Variants in FOSL2 observed in about 807,000 individuals in gnomAD.
FOSL2 encodes the protein fos-related antigen 2.
In FOSL2, 3 loss-of-function variants were observed where a neutral mutation model predicts 27.7. The ratio of observed to expected loss-of-function variants is 0.11; its 90% CI spans 0.05 to 0.28. The LOEUF (loss-of-function observed/expected upper bound fraction) is 0.28, where lower values mean the gene tolerates loss of function less well. FOSL2 is among the 10% of genes least tolerant of loss of function. The pLI is 1.00. For synonymous variants in FOSL2, 179 were observed against 190.1 expected (o/e 0.94, Z 0.48); for missense variants, 333 against 445.1 (o/e 0.75, Z 2.27).
chr2:28,411,901 T>G (rs778375324), intron 3 of FOSL2, 29 bp from the exon 4 acceptor site: 7 of 1,613,944 alleles, frequency 4.3e-6, no homozygotes, highest in Non-Finnish European at 5.9e-6. Context: ...CAGGTTGCTG[T>G]CCCTCACATC....
In FOSL2 at chr2:28,393,691, C is replaced by A; in HGVS notation, c.-30C>A. 6.5e-7 allele frequency: 1 copy of A among 1,531,682 alleles called. No individual in the cohort carries two copies. Among genetic ancestry groups the A allele is most frequent in the Non-Finnish European group, 8.9e-7 (1 of 1,119,784 alleles). The allele number at this position is 1,531,682 out of a possible 1,614,324, so 94.9% of individuals were successfully genotyped here. A position where few individuals can be genotyped will look rare whatever the true frequency, so the allele number is the denominator to read the frequency against. ...GCGAGGGCGGGGGAAGAAAAACACC[C>A]TGTTTCCTCTCCGGCCCCCACCGCG... is the stretch of plus-strand genomic sequence containing the variant. On this transcript the variant is annotated 5_prime_UTR_variant, in exon 1 of 4. The change creates a new upstream start codon in the 5' untranslated region. Transcript: ENST00000264716. The surrounding 1 kb of genome is among the most constrained non-coding windows in gnomAD (Gnocchi z 4.6).
In FOSL2 at chr2:28,404,437, T is replaced by G; in HGVS notation, c.354+79T>G. Reference sequence around the variant, plus strand: ...AAACACAGAACGGGTTTCTGCAGACTGGGAGGGTTAATGTTCTGAGAGCAG... The same window carrying G: ...AAACACAGAACGGGTTTCTGCAGACGGGGAGGGTTAATGTTCTGAGAGCAG... On this transcript the variant is annotated intron_variant, in intron 2 of 3. Transcript: ENST00000264716. The surrounding 1 kb of genome is among the most constrained non-coding windows in gnomAD (Gnocchi z 4.7). The G allele has an allele frequency of 6.6e-7, 1 of 1,507,836 alleles. No individual in the cohort carries two copies. The highest frequency in any genetic ancestry group is 9.0e-7 in the Non-Finnish European group (1 of 1,114,288). 93.4% of individuals were successfully genotyped at this position (1,507,836 alleles called of 1,614,324 possible). A position where few individuals can be genotyped will look rare whatever the true frequency, so the allele number is the denominator to read the frequency against.
chr2:28,407,866 G>A (rs1320860261), intron 2 of FOSL2, among the ~76,000 whole-genome samples: 1 of 152,246 alleles, frequency 6.6e-6, no homozygotes, highest in East Asian at 1.9e-4. Flanking sequence ...GTAGAGCAGA[G>A]TTCATGCTTT....
rs941228530 is a variant in FOSL2, at chr2:28,393,652, G to A, written c.-69G>A. On this transcript the variant is annotated 5_prime_UTR_variant, in exon 1 of 4. Coordinates refer to ENST00000264716, the MANE Select transcript of FOSL2 (RefSeq NM_005253.4). The surrounding 1 kb of genome is among the most constrained non-coding windows in gnomAD (Gnocchi z 4.6). ...GCGGACGAACGAGCGCGCAGCAGCC[G>A]GTGCGCGGCCGCGGCGAGGGCGGGG... 20 of 1,216,660 alleles carry A rather than the reference G, an allele frequency of 1.6e-5. No homozygotes were observed. The highest frequency in any genetic ancestry group is 2.3e-6 in the Non-Finnish European group (2 of 855,238). 75.4% of individuals were successfully genotyped at this position (1,216,660 alleles called of 1,614,324 possible).
rs969051672 is a variant in FOSL2 at position 28,393,977 on chromosome 2, C to CA, written c.102+156dup. On this transcript the variant is annotated intron_variant, in intron 1 of 3. Transcript: ENST00000264716. The surrounding 1 kb of genome is among the most constrained non-coding windows in gnomAD (Gnocchi z 4.6). ...GGATTTTCGTCCTCCCCTTCCCCCC[C>CA]ACCCCCTTTTAAACTAGGGGATTGG... 6.6e-6 allele frequency among the ~76,000 whole-genome samples: 1 copy of CA among 152,034 alleles called. No homozygotes were observed. The highest frequency in any genetic ancestry group is 6.5e-5 in the Admixed American group (1 of 15,282).
At chr2:28,398,399 C>T (rs1036550900) in intron 1 of FOSL2, among the ~76,000 whole-genome samples, 2 of 152,236 alleles carry the variant, frequency 1.3e-5, no homozygotes, top group Non-Finnish European at 2.9e-5. Context: ...CTAGGCTCAC[C>T]TTCCGGTGGC....
In FOSL2 at chr2:28,404,139, T is replaced by C. The variant is rs746914834; in HGVS notation, c.135T>C (p.Ser45=). 6 of 1,614,198 alleles carry C rather than the reference T, an allele frequency of 3.7e-6. No individual in the cohort carries two copies. Among genetic ancestry groups the C allele is most frequent in the Non-Finnish European group, 5.1e-6 (6 of 1,180,002 alleles). Residue 45 remains serine, a synonymous_variant, in exon 2 of 4, where the codon AGT becomes AGC. Coordinates refer to ENST00000264716, the MANE Select transcript of FOSL2 (RefSeq NM_005253.4). The surrounding 1 kb of genome is among the most constrained non-coding windows in gnomAD (Gnocchi z 4.7). ...KFRVDMPGSG[S]AFIPTINAIT... is the part of the protein sequence containing the mutation. Reference sequence around the variant, plus strand: ...GGGTAGATATGCCTGGCTCAGGCAGTGCATTCATCCCCACCATCAACGCCA... The same window carrying C: ...GGGTAGATATGCCTGGCTCAGGCAGCGCATTCATCCCCACCATCAACGCCA...
Position 28,408,898 on chromosome 2 carries a change from C to G in FOSL2, c.462+32C>G. On this transcript the variant is annotated intron_variant, in intron 3 of 3. Transcript: ENST00000264716. The surrounding 1 kb of genome is among the most constrained non-coding windows in gnomAD (Gnocchi z 4.1). ...AACTCTGCGTAGGGTGGGAGCACCT[C>G]TGGGTGGGCTGGAGTGAGAGCCCCG... 1 of 1,501,758 alleles carries G rather than the reference C, an allele frequency of 6.7e-7. No homozygotes were observed. Among genetic ancestry groups the G allele is most frequent in the East Asian group, 2.4e-5 (1 of 41,298 alleles). The allele number at this position is 1,501,758 out of a possible 1,614,324, so 93.0% of individuals were successfully genotyped here. A position where few individuals can be genotyped will look rare whatever the true frequency, so the allele number is the denominator to read the frequency against.
chr2:28,411,882 G>T (rs753867558), intron 3 of FOSL2, 48 bp from the exon 4 acceptor site: 2 of 1,600,746 alleles, frequency 1.2e-6, no homozygotes, highest in Non-Finnish European at 1.7e-6. Context: ...TGCCTAGATT[G>T]GTCCCTGGCA....
chr2:28,412,481 G>T lies in FOSL2; in HGVS notation c.*33G>T. 6.3e-7 allele frequency: 1 copy of T among 1,579,720 alleles called. No individual in the cohort carries two copies. Among genetic ancestry groups the T allele is most frequent in the Non-Finnish European group, 8.6e-7 (1 of 1,166,954 alleles). On this transcript the variant is annotated 3_prime_UTR_variant, in exon 4 of 4. Coordinates refer to ENST00000264716, the MANE Select transcript of FOSL2 (RefSeq NM_005253.4). The surrounding 1 kb of genome is among the most constrained non-coding windows in gnomAD (Gnocchi z 7.1). ...CACCTCCCTCCCCAGCTCCGGAGGG[G>T]GTCCTCCTCGCTCCTCCTTCCCAGG...
At chr2:28,402,792 T>G (rs894296700) in intron 1 of FOSL2, among the ~76,000 whole-genome samples, 3 of 152,198 alleles carry the variant, frequency 2.0e-5, no homozygotes, top group Non-Finnish European at 4.4e-5. Context: ...TCTGGCCTCT[T>G]TGTCAGGCTG....
chr2:28,412,610 A>G lies in FOSL2; in HGVS notation c.*162A>G, dbSNP rs1558570970. The G allele has an allele frequency of 4.3e-6, 3 of 701,450 alleles. No individual in the cohort carries two copies. Among genetic ancestry groups the G allele is most frequent in the South Asian group, 2.0e-5 (1 of 50,128 alleles). The allele number at this position is 701,450 out of a possible 1,614,324, so 43.5% of individuals were successfully genotyped here. A position where few individuals can be genotyped will look rare whatever the true frequency, so the allele number is the denominator to read the frequency against. ...ACCCAGGTGGGACTTAGCAGTGAGT[A>G]TTGGAAGACTTGGGTTGATCTCTTA... is the stretch of plus-strand genomic sequence containing the variant. On this transcript the variant is annotated 3_prime_UTR_variant, in exon 4 of 4. Transcript: ENST00000264716. The surrounding 1 kb of genome is among the most constrained non-coding windows in gnomAD (Gnocchi z 7.1).
chr2:28,401,056 G>C (rs994412708), intron 1 of FOSL2, among the ~76,000 whole-genome samples: 1 of 152,162 alleles, frequency 6.6e-6, no homozygotes, highest in Non-Finnish European at 1.5e-5. Context: ...GGCTTGGGGA[G>C]AGAAATGGAA....
At chr2:28,397,205 A>G (rs1663862737) in intron 1 of FOSL2, 1 of 152,148 alleles carries the variant, frequency 6.6e-6, no homozygotes, top group African/African-American at 2.4e-5. Flanking sequence ...CCTAGAACTT[A>G]AAGTATAATA....
Position 28,398,923 on chromosome 2 carries a change from C to T in FOSL2, c.102+5101C>T, listed in dbSNP as rs906435837. ...GTTCAGTAAAAATACAGAGTATTTG[C>T]GTTAAACTGGACCTCAGTGGGGATG... On this transcript the variant is annotated intron_variant, in intron 1 of 3. Transcript: ENST00000264716. 4.6e-5 allele frequency among the ~76,000 whole-genome samples: 7 copies of T among 152,176 alleles called. No homozygotes were observed. In the East Asian group the frequency reaches 5.8e-4, roughly 13 times the overall value.
chr2:28,410,525 C>A (rs1664171654), intron 3 of FOSL2: 14 of 984,614 alleles, frequency 1.4e-5, no homozygotes, highest in Non-Finnish European at 1.7e-5. Context: ...CAGACGGAAA[C>A]TGTTTTTCAC....
rs562992814 is a variant in FOSL2 at position 28,400,991 on chromosome 2, A to G, written c.103-3116A>G. Among the ~76,000 whole-genome samples, 18 of 152,242 alleles carry G rather than the reference A, an allele frequency of 1.2e-4. No individual in the cohort carries two copies. The South Asian group carries it at 3.7e-3, about 32-fold the overall frequency. ...CTGACAGCTTCCCCATGGAGGAGGG[A>G]GTCATATCAAACCATTGTGCTGAAT... On this transcript the variant is annotated intron_variant, in intron 1 of 3. Transcript: ENST00000264716.
At chr2:28,410,355 G>A (rs1654229601) in intron 3 of FOSL2, 2 of 159,560 alleles carry the variant, frequency 1.3e-5, no homozygotes, top group Admixed American at 6.6e-5. Flanking sequence ...CCTGCCCCCT[G>A]AGGCTCCTCT....
rs1260736046 is a variant in FOSL2, at chr2:28,393,562, C to T, written c.-159C>T. 3.4e-6 allele frequency: 2 copies of T among 590,670 alleles called. No individual in the cohort carries two copies. The highest frequency in any genetic ancestry group is 3.0e-6 in the Non-Finnish European group (1 of 334,926). 36.6% of individuals were successfully genotyped at this position (590,670 alleles called of 1,614,324 possible). A position where few individuals can be genotyped will look rare whatever the true frequency, so the allele number is the denominator to read the frequency against. On this transcript the variant is annotated 5_prime_UTR_variant, in exon 1 of 4. Coordinates refer to ENST00000264716, the MANE Select transcript of FOSL2 (RefSeq NM_005253.4). This position sits in a 1 kb window ranked among gnomAD's most constrained non-coding sequence, Gnocchi z 4.6. Reference sequence around the variant, plus strand: ...CTGTTCCTGAGGTGTCGCCGCCTCCCTGTCCTCGCCCTCCGCGGTGGGGGA... The same window carrying T: ...CTGTTCCTGAGGTGTCGCCGCCTCCTTGTCCTCGCCCTCCGCGGTGGGGGA...
Sources: allele counts gnomAD v4.1 joint callset (sites outside exome capture counted in the v4.1 genomes callset), GRCh38; gene constraint gnomAD v4.1.1; non-coding constraint Gnocchi (gnomAD v3.1); transcripts MANE v1.5; gene names NCBI Gene and HGNC (gene_info 2026-07-23, HGNC 2026-07-21).